Variants in DNAH6 observed in about 807,000 individuals in gnomAD.
DNAH6 encodes the protein axonemal beta dynein heavy chain 6.
In DNAH6, 340 loss-of-function variants were observed where a neutral mutation model predicts 491.4. The ratio of observed to expected loss-of-function variants is 0.69; its 90% CI spans 0.63 to 0.76. The LOEUF is 0.76. Among genes scored for constraint, DNAH6 ranks in the 30% least tolerant of loss-of-function variants. The pLI, the probability that DNAH6 is intolerant of heterozygous loss-of-function variation, is 0.00. For missense variants in DNAH6, 4,443 were observed against 4,972.2 expected, an observed-to-expected ratio of 0.89 and a Z score of 3.20; for synonymous variants, 1,603 against 1,686.1, an observed-to-expected ratio of 0.95 and a Z score of 1.21.
chr2:84,675,729 G>A (rs1693178336), intron 40 of DNAH6, among the ~76,000 whole-genome samples: 1 of 152,120 alleles, frequency 6.6e-6, no homozygotes. Flanking sequence ...CACAATAGAG[G>A]CTCACTACAG....
rs1276644747 is a variant in DNAH6, at chr2:84,697,542, G to A, written c.7525-33G>A. 4.0e-6 allele frequency: 6 copies of A among 1,503,588 alleles called. No homozygotes were observed. The South Asian group carries it at 7.8e-5, about 20-fold the overall frequency. 93.1% of individuals were successfully genotyped at this position (1,503,588 alleles called of 1,614,324 possible). A position where few individuals can be genotyped will look rare whatever the true frequency, so the allele number is the denominator to read the frequency against. ...TTTATAATAAATGGAAAATGATTGA[G>A]CAAGTTGTAATGATCACTGCTTTCT... On this transcript the variant is annotated intron_variant, in intron 46 of 76. Coordinates refer to ENST00000389394, the MANE Select transcript of DNAH6 (RefSeq NM_001370.2).
At chr2:84,503,331 T>C in the DNAH6 span, among the ~76,000 whole-genome samples, 1 of 152,198 alleles carries the variant, frequency 6.6e-6, no homozygotes. Context: ...TTTCTAGATA[T>C]ATCTTATTGT....
At chr2:84,487,329 T>C in the DNAH6 span, among the ~76,000 whole-genome samples, 1 of 152,226 alleles carries the variant, frequency 6.6e-6, no homozygotes, top group Non-Finnish European at 1.5e-5. Context: ...TACATAAATA[T>C]AGGATATTAT....
At chr2:84,697,269 A>T (rs1695484913) in intron 46 of DNAH6, among the ~76,000 whole-genome samples, 1 of 152,230 alleles carries the variant, frequency 6.6e-6, no homozygotes, top group Non-Finnish European at 1.5e-5. Flanking sequence ...AAATATGATG[A>T]GTACATTACA....
chr2:84,670,351 A>G lies in DNAH6; in HGVS notation c.6330A>G (p.Leu2110=), dbSNP rs1216033414. The G allele has an allele frequency of 6.5e-7, 1 of 1,534,756 alleles. No homozygotes were observed. The highest frequency in any genetic ancestry group is 2.1e-5 in the Admixed American group (1 of 48,528). The change falls in exon 39 of 77, where the codon CTA becomes CTG. Residue 2110 remains leucine, a synonymous_variant. Coordinates refer to ENST00000389394, the MANE Select transcript of DNAH6 (RefSeq NM_001370.2). ...AGTCTGTGATTGCAAAAGGATTGCT[A>G]AATAAAATTCAAGAATCAGCTGGCT... The part of the protein sequence containing the change: ...VGKSVIAKGL[L]NKIQESAGYV...
At chr2:84,740,692 T>A (rs1672445740) in intron 62 of DNAH6, among the ~76,000 whole-genome samples, 3 of 152,142 alleles carry the variant, frequency 2.0e-5, no homozygotes, top group Admixed American at 1.3e-4. Flanking sequence ...GTTCCCCAAC[T>A]GACCAAGGAA....
intron 47 of DNAH6, among the ~76,000 whole-genome samples, chr2:84,698,543 A>G (rs1288797943): frequency 2.6e-5 from 4 of 152,198 alleles, no homozygotes; most frequent in Non-Finnish European, 5.9e-5. Flanking sequence ...GTGCCTCTGC[A>G]TCAGCCGCCA....
chr2:84,759,338 T>A (rs1027447659), intron 63 of DNAH6, among the ~76,000 whole-genome samples: 2 of 152,012 alleles, frequency 1.3e-5, no homozygotes, highest in East Asian at 3.9e-4. Context: ...CAAAACCCTG[T>A]CTCTACTAAA....
At chr2:84,739,674 C>T (rs769067352) in intron 62 of DNAH6, among the ~76,000 whole-genome samples, 8 of 152,110 alleles carry the variant, frequency 5.3e-5, no homozygotes, top group Non-Finnish European at 1.0e-4. Context: ...TTTCCTGATG[C>T]GAATTTTTCA....
intron 56 of DNAH6, 77 bp from the exon 57 acceptor site, chr2:84,713,018 A>C: frequency 7.7e-7 from 1 of 1,304,210 alleles, no homozygotes; most frequent in Non-Finnish European, 1.0e-6. Context: ...TTTGAGGCCT[A>C]AGGAATTTTG....
intron 63 of DNAH6, among the ~76,000 whole-genome samples, chr2:84,747,697 C>T (rs1453034970): frequency 1.3e-5 from 2 of 152,196 alleles, no homozygotes; most frequent in South Asian, 2.1e-4. Flanking sequence ...CCACATTTTC[C>T]GTTGACACTA....
At chr2:84,585,234 A>G (rs936901090) in intron 15 of DNAH6, among the ~76,000 whole-genome samples, 3 of 152,234 alleles carry the variant, frequency 2.0e-5, no homozygotes, top group Non-Finnish European at 4.4e-5. Context: ...ACATCTATGT[A>G]TCCACTACTC....
At chr2:84,491,096 G>T in the DNAH6 span, among the ~76,000 whole-genome samples, 1 of 152,146 alleles carries the variant, frequency 6.6e-6, no homozygotes, top group Non-Finnish European at 1.5e-5. Flanking sequence ...AGGTTTTGAG[G>T]TAAACATATA....
intron 57 of DNAH6, 37 bp downstream of exon 57, chr2:84,713,296 G>A: frequency 6.5e-7 from 1 of 1,538,294 alleles, no homozygotes; most frequent in Non-Finnish European, 8.8e-7. Context: ...AACTTAACTG[G>A]ATTATCATGG....
chr2:84,680,016 A>G (rs1184380147), intron 41 of DNAH6, among the ~76,000 whole-genome samples: 2 of 152,246 alleles, frequency 1.3e-5, no homozygotes, highest in Non-Finnish European at 2.9e-5. Flanking sequence ...ATACAAATGG[A>G]CAGATTTTCA....
chr2:84,667,982 C>G (rs762372042), intron 37 of DNAH6, among the ~76,000 whole-genome samples: 1 of 152,110 alleles, frequency 6.6e-6, no homozygotes, highest in East Asian at 1.9e-4. Flanking sequence ...AGCAAACTAT[C>G]GCAAGGACAG....
intron 18 of DNAH6, among the ~76,000 whole-genome samples, chr2:84,602,483 T>C (rs1309497036): frequency 1.8e-4 from 1 of 5,526 alleles, no homozygotes; most frequent in Non-Finnish European, 4.6e-4. Flanking sequence ...GTTGTGTCCC[T>C]TTTTTTTTTT....
chr2:84,695,867 T>A (rs1462195687), intron 46 of DNAH6, among the ~76,000 whole-genome samples: 1 of 152,030 alleles, frequency 6.6e-6, no homozygotes, highest in Non-Finnish European at 1.5e-5. Context: ...GCTCCAAAGA[T>A]CAAGTCATAT....
Position 84,727,867 on chromosome 2 carries a change from A to C in DNAH6, c.10171A>C (p.Asn3391His), listed in dbSNP as rs1214692105. 1 of 1,551,842 alleles carries C rather than the reference A, an allele frequency of 6.4e-7. No individual in the cohort carries two copies. The highest frequency in any genetic ancestry group is 2.4e-5 in the East Asian group (1 of 40,908). The change falls in exon 61 of 77, where the codon AAT becomes CAT. Residue 3391 changes from asparagine (N) to histidine (H), a missense_variant. This residue lies in a region of DNAH6 where 1,463 missense variants were observed against 1,656.6 expected (regional missense o/e 0.88). Coordinates refer to ENST00000389394, the MANE Select transcript of DNAH6 (RefSeq NM_001370.2). The part of the protein sequence containing the change: ...QQGTLSDAEW[N>H]FFLRGSAGLE... ...AGGAACCCTATCTGATGCTGAATGG[A>C]ATTTCTTTCTCCGAGGTTCTGCAGG...
Sources: allele counts gnomAD v4.1 joint callset (sites outside exome capture counted in the v4.1 genomes callset), GRCh38; gene constraint gnomAD v4.1.1; regional missense constraint gnomAD v4.1.1; transcripts MANE v1.5; gene names NCBI Gene and HGNC (gene_info 2026-07-23, HGNC 2026-07-21).